RANBP2: variants seen among roughly 807,000 people sequenced by gnomAD.
RANBP2 encodes RAN binding protein 2.
A neutral mutation model predicts 303.6 loss-of-function variants in RANBP2; 57 were observed. That is an observed-to-expected ratio of 0.19 (90% CI 0.15 to 0.23). The LOEUF is 0.23. Among genes scored for constraint, RANBP2 ranks in the 10% least tolerant of loss-of-function variants. The pLI is 1.00. For synonymous variants in RANBP2, 1,167 were observed against 1,301.5 expected, an observed-to-expected ratio of 0.90 and a Z score of 2.23; for missense variants, 3,138 against 3,780.8, an observed-to-expected ratio of 0.83 and a Z score of 4.46.
At chr2:109,737,269 T>C in the RANBP2 span, 2 of 724,536 alleles carry the variant, frequency 2.8e-6, no homozygotes, top group African/African-American at 3.5e-5. Context: ...TTTGGTGAGA[T>C]ATTTCAAATA....
the RANBP2 span, among the ~76,000 whole-genome samples, chr2:108,971,234 C>T: frequency 2.6e-5 from 4 of 152,074 alleles, no homozygotes; most frequent in Non-Finnish European, 5.9e-5. Context: ...ATTTTTATAT[C>T]TTTATATTTC....
chr2:109,398,587 C>T, the RANBP2 span: 3 of 1,550,268 alleles, frequency 1.9e-6, no homozygotes, highest in Non-Finnish European at 2.6e-6. Flanking sequence ...CTTTCTCACT[C>T]AGCTCAATGA....
chr2:109,509,662 T>C, the RANBP2 span, among the ~76,000 whole-genome samples: 1 of 152,062 alleles, frequency 6.6e-6, no homozygotes, highest in Non-Finnish European at 1.5e-5. Context: ...ATACATGACA[T>C]GTCCCCTTTA....
chr2:109,751,713 A>C, the RANBP2 span, among the ~76,000 whole-genome samples: 1 of 13,586 alleles, frequency 7.4e-5, no homozygotes, highest in African/African-American at 1.4e-4. Flanking sequence ...CAGCAGAGAG[A>C]GTGCTCTGTA....
the RANBP2 span, among the ~76,000 whole-genome samples, chr2:109,133,694 C>T: frequency 1.3e-5 from 2 of 150,406 alleles, no homozygotes; most frequent in East Asian, 3.9e-4. Context: ...GTCTTTCATA[C>T]ATGGTCATCT....
At chr2:109,272,240 G>C in the RANBP2 span, among the ~76,000 whole-genome samples, 2 of 152,204 alleles carry the variant, frequency 1.3e-5, no homozygotes, top group African/African-American at 4.8e-5. Flanking sequence ...GCTGCTTCTT[G>C]CTTGTCTAGG....
chr2:109,567,816 T>C, the RANBP2 span: 17 of 1,577,966 alleles, frequency 1.1e-5, no homozygotes, highest in Non-Finnish European at 1.5e-5. Flanking sequence ...GGAGCTCACA[T>C]TCATTGCAGC....
At chr2:108,794,397 T>G in the RANBP2 span, 1 of 727,144 alleles carries the variant, frequency 1.4e-6, no homozygotes, top group Non-Finnish European at 2.1e-6. Flanking sequence ...CTTTACCATA[T>G]TTGCTATATT....
the RANBP2 span, among the ~76,000 whole-genome samples, chr2:109,440,893 A>G: frequency 6.6e-6 from 1 of 152,160 alleles, no homozygotes; most frequent in African/African-American, 2.4e-5. Flanking sequence ...GATTAGTGCT[A>G]ACAGTGCCCA....
the RANBP2 span, among the ~76,000 whole-genome samples, chr2:108,848,616 T>C: frequency 3.1e-3 from 475 of 152,318 alleles, 1 homozygote; most frequent in Middle Eastern, 0.02. Context: ...AAAATTCTAA[T>C]ATAGTTTGCG....
chr2:109,515,166 G>T, the RANBP2 span, among the ~76,000 whole-genome samples: 1 of 152,190 alleles, frequency 6.6e-6, no homozygotes, highest in Non-Finnish European at 1.5e-5. Flanking sequence ...TGGCGGCCAG[G>T]GCCAGGAGGG....
chr2:109,071,175 A>T, the RANBP2 span, among the ~76,000 whole-genome samples: 1 of 152,212 alleles, frequency 6.6e-6, no homozygotes, highest in African/African-American at 2.4e-5. Flanking sequence ...TTTGAGATAC[A>T]TTCTGAAGAA....
chr2:108,932,265 A>T, the RANBP2 span, among the ~76,000 whole-genome samples: 1 of 152,216 alleles, frequency 6.6e-6, no homozygotes, highest in East Asian at 1.9e-4. Flanking sequence ...GCGGTGGCTC[A>T]CACCTGTAAT....
the RANBP2 span, among the ~76,000 whole-genome samples, chr2:109,293,055 A>C: frequency 3.3e-5 from 5 of 152,318 alleles, no homozygotes; most frequent in Middle Eastern, 0.014. Flanking sequence ...GGCATCTGTC[A>C]GCTGCAGTTC....
the RANBP2 span, among the ~76,000 whole-genome samples, chr2:109,541,806 G>C: frequency 1.3e-5 from 2 of 152,188 alleles, no homozygotes; most frequent in East Asian, 1.9e-4. Flanking sequence ...ACACCCTTTT[G>C]AGAGTGCCCT....
the RANBP2 span, among the ~76,000 whole-genome samples, chr2:109,023,967 T>A: frequency 3.9e-5 from 6 of 152,162 alleles, no homozygotes; most frequent in Non-Finnish European, 7.3e-5. Flanking sequence ...CTCTTGTTGC[T>A]CAGGCTGGAG....
At chr2:109,583,951 G>A in the RANBP2 span, among the ~76,000 whole-genome samples, 1 of 152,064 alleles carries the variant, frequency 6.6e-6, no homozygotes, top group Non-Finnish European at 1.5e-5. Flanking sequence ...GGGTACACAT[G>A]GATATAAAGA....
chr2:109,571,460 T>C, the RANBP2 span, among the ~76,000 whole-genome samples: 1 of 152,356 alleles, frequency 6.6e-6, no homozygotes, highest in Non-Finnish European at 1.5e-5. Context: ...CATGTAACTA[T>C]ACTGGATACT....
the RANBP2 span, among the ~76,000 whole-genome samples, chr2:108,966,980 G>A: frequency 6.6e-6 from 1 of 152,234 alleles, no homozygotes; most frequent in Admixed American, 6.5e-5. Context: ...TGTTGCCCAG[G>A]CTGGAGTGCT....
Sources: gnomAD v4.1 joint callset for allele counts (sites outside exome capture counted in the v4.1 genomes callset) on GRCh38, gnomAD v4.1.1 for gene constraint, MANE v1.5 for transcripts, NCBI Gene and HGNC (gene_info 2026-07-23, HGNC 2026-07-21) for gene names.